GPHN: variants seen among roughly 807,000 people sequenced by gnomAD.
GPHN encodes gephyrin.
GPHN carries 17 observed loss-of-function variants against 95.5 expected under a neutral mutation model. The observed-to-expected ratio is 0.18, with a 90% confidence interval of 0.12 to 0.27. The LOEUF is 0.27. Ranked by LOEUF, GPHN falls within the 10% of genes least tolerant of loss-of-function variation. The probability of loss-of-function intolerance (pLI) is 1.00; values close to 1 mark genes in which losing one functional copy is unlikely to be tolerated. For missense variants in GPHN, 660 were observed against 978.1 expected, an observed-to-expected ratio of 0.67 and a Z score of 4.34; for synonymous variants, 320 against 322.5, an observed-to-expected ratio of 0.99 and a Z score of 0.08.
At chr14:67,309,043 T>C in the GPHN span, among the ~76,000 whole-genome samples, 23 of 152,304 alleles carry the variant, frequency 1.5e-4, no homozygotes, top group African/African-American at 5.1e-4. Flanking sequence ...TGGAAGATAA[T>C]TGCGTCCAAA....
At chr14:67,572,458 C>T in the GPHN span, among the ~76,000 whole-genome samples, 1 of 152,014 alleles carries the variant, frequency 6.6e-6, no homozygotes, top group Non-Finnish European at 1.5e-5. Flanking sequence ...ACAGACCCCA[C>T]AAGGAAGGAA....
At position 66,767,771 on chromosome 14, in the gene GPHN, T is replaced by G. The variant is rs183141583; in HGVS notation, c.144-8693T>G. Among the ~76,000 whole-genome samples the G allele has an allele frequency of 3.0e-3, 455 of 152,078 alleles. 3 individuals are homozygous for G. Among genetic ancestry groups the G allele is most frequent in the African/African-American group, 0.011 (437 of 41,532 alleles). On this transcript the variant is annotated intron_variant, in intron 2 of 22. Coordinates refer to ENST00000478722, the MANE Select transcript of GPHN (RefSeq NM_020806.5). Reference sequence around the variant, plus strand: ...CCAAGCCACAGTTAAATAGCATACATTTATAATAAATTATATCACTGATTC... The same window carrying G: ...CCAAGCCACAGTTAAATAGCATACAGTTATAATAAATTATATCACTGATTC...
At chr14:66,617,013 C>T (rs2063071675) in intron 1 of GPHN, among the ~76,000 whole-genome samples, 1 of 152,230 alleles carries the variant, frequency 6.6e-6, no homozygotes, top group South Asian at 2.1e-4. Flanking sequence ...CCCGGCTGAA[C>T]AGGACCCATT....
chr14:67,346,894 T>G, the GPHN span, among the ~76,000 whole-genome samples: 1 of 152,234 alleles, frequency 6.6e-6, no homozygotes, highest in Non-Finnish European at 1.5e-5. Context: ...GGCCTTATAT[T>G]TTTTAAATAG....
chr14:66,820,703 A>G (rs2061158066), intron 3 of GPHN, among the ~76,000 whole-genome samples: 1 of 152,156 alleles, frequency 6.6e-6, no homozygotes, highest in African/African-American at 2.4e-5. Flanking sequence ...CCAGAGTAGC[A>G]TTAGGAGCCT....
the GPHN span, among the ~76,000 whole-genome samples, chr14:67,249,438 T>C: frequency 2.0e-5 from 3 of 152,200 alleles, no homozygotes; most frequent in Non-Finnish European, 4.4e-5. Flanking sequence ...AGCTGAGATA[T>C]GGAAAGCACC....
intron 1 of GPHN, among the ~76,000 whole-genome samples, chr14:66,602,158 C>A (rs1283566378): frequency 1.3e-5 from 2 of 151,850 alleles, no homozygotes; most frequent in Admixed American, 6.6e-5. Context: ...ACTCCAAAAC[C>A]CTTTATGACT....
chr14:66,772,738 A>G (rs572516259), intron 2 of GPHN, among the ~76,000 whole-genome samples: 3 of 152,210 alleles, frequency 2.0e-5, no homozygotes, highest in Non-Finnish European at 4.4e-5. Context: ...TATTTCTGAT[A>G]TATGTTTTTA....
At chr14:67,663,388 A>T in the GPHN span, among the ~76,000 whole-genome samples, 3 of 152,136 alleles carry the variant, frequency 2.0e-5, no homozygotes, top group African/African-American at 7.2e-5. Context: ...AATGTAAGTG[A>T]CAAGGCTGGG....
intron 12 of GPHN, among the ~76,000 whole-genome samples, chr14:67,096,052 G>A (rs7157394): frequency 1.3e-5 from 2 of 149,100 alleles, no homozygotes; most frequent in Non-Finnish European, 3.0e-5. Flanking sequence ...ACAAGATCTC[G>A]AGATGATTTG....
At chr14:67,730,045 A>C in the GPHN span, among the ~76,000 whole-genome samples, 1 of 152,176 alleles carries the variant, frequency 6.6e-6, no homozygotes, top group Non-Finnish European at 1.5e-5. Context: ...ATGAGAGGGG[A>C]ATGGATAAGT....
At chr14:67,650,834 A>C in the GPHN span, 84 of 1,614,202 alleles carry the variant, frequency 5.2e-5, no homozygotes, top group Non-Finnish European at 6.7e-5. Flanking sequence ...TGGTCAGACA[A>C]GAGAAGGAGG....
At chr14:66,596,371 C>T (rs1473792435) in intron 1 of GPHN, among the ~76,000 whole-genome samples, 2 of 152,212 alleles carry the variant, frequency 1.3e-5, no homozygotes, top group African/African-American at 2.4e-5. Context: ...CTGCCCCTTT[C>T]CATCTAGGCC....
intron 18 of GPHN, among the ~76,000 whole-genome samples, chr14:67,149,142 A>C (rs769303448): frequency 6.6e-6 from 1 of 151,788 alleles, no homozygotes; most frequent in Non-Finnish European, 1.5e-5. Flanking sequence ...TCAGGAGTTC[A>C]AGATCAGCCT....
chr14:66,562,523 G>T (rs1208679738), intron 1 of GPHN, among the ~76,000 whole-genome samples: 1 of 152,088 alleles, frequency 6.6e-6, no homozygotes, highest in East Asian at 1.9e-4. Context: ...TTATTAACAT[G>T]TGGATTGCTT....
chr14:67,682,264 G>A, the GPHN span, among the ~76,000 whole-genome samples: 1 of 152,094 alleles, frequency 6.6e-6, no homozygotes, highest in Non-Finnish European at 1.5e-5. Context: ...TAGATAAACT[G>A]GACTTCATCA....
intron 19 of GPHN, among the ~76,000 whole-genome samples, chr14:67,162,521 GAT>G (rs2082033018): frequency 1.3e-5 from 2 of 152,168 alleles, no homozygotes; most frequent in African/African-American, 2.4e-5. Flanking sequence ...TAGAGACAAA[GAT>G]ACTCAGAAAA....
At chr14:67,663,699 T>G in the GPHN span, among the ~76,000 whole-genome samples, 1 of 151,992 alleles carries the variant, frequency 6.6e-6, no homozygotes, top group Admixed American at 6.6e-5. Flanking sequence ...ATAAATAAAA[T>G]GTAAGTGACA....
At chr14:66,514,860 C>T (rs2058178330) in intron 1 of GPHN, among the ~76,000 whole-genome samples, 1 of 151,940 alleles carries the variant, frequency 6.6e-6, no homozygotes, top group Non-Finnish European at 1.5e-5. Context: ...TGTCTATACC[C>T]TGTAATCTAT....
Sources: gnomAD v4.1 joint callset for allele counts (sites outside exome capture counted in the v4.1 genomes callset) on GRCh38, gnomAD v4.1.1 for gene constraint, MANE v1.5 for transcripts, NCBI Gene and HGNC (gene_info 2026-07-23, HGNC 2026-07-21) for gene names.